The following TCF20 variants were observed in gnomAD, a reference collection of about 807,000 sequenced individuals.
The protein encoded by TCF20 is SPRE-binding protein.
In TCF20, 3 loss-of-function variants were observed where a neutral mutation model predicts 148.6. The ratio of observed to expected loss-of-function variants is 0.02; its 90% CI spans 0.01 to 0.05. TCF20 has a LOEUF of 0.05. TCF20 is among the 10% of genes least tolerant of loss of function. TCF20 has a pLI of 1.00. For missense variants in TCF20, 2,350 were observed against 2,429.3 expected (o/e 0.97, Z 0.69); for synonymous variants, 1,049 against 909.5 (o/e 1.15, Z -2.76).
Position 42,290,504 on chromosome 22 carries a change from G to A in TCF20, c.-37+52975C>T, listed in dbSNP as rs1205271122. Reference sequence around the variant, plus strand: ...GAGCGGGCAGGCTGGGGGCACGTGGGAGGCCTCTGCTCCTGACCTTTGCTT... The same window carrying A: ...GAGCGGGCAGGCTGGGGGCACGTGGAAGGCCTCTGCTCCTGACCTTTGCTT... On this transcript the variant is annotated intron_variant, in intron 1 of 1. Transcript: ENST00000515426. The surrounding 1 kb of genome is among the most constrained non-coding windows in gnomAD (Gnocchi z 4.2). Among the ~76,000 whole-genome samples the A allele has an allele frequency of 6.6e-6, 1 of 152,132 alleles. No individual in the cohort carries two copies. Among genetic ancestry groups the A allele is most frequent in the African/African-American group, 2.4e-5 (1 of 41,436 alleles).
chr22:42,228,528 C>T (rs868392339), intron 1 of TCF20, among the ~76,000 whole-genome samples: 1 of 152,126 alleles, frequency 6.6e-6, no homozygotes, highest in Non-Finnish European at 1.5e-5. Flanking sequence ...CAGATCTGAG[C>T]TTAGGCAGTG....
chr22:42,263,220 C>T (rs1019997364), intron 1 of TCF20, among the ~76,000 whole-genome samples: 3 of 152,298 alleles, frequency 2.0e-5, no homozygotes, highest in East Asian at 1.9e-4. Flanking sequence ...CCTTCCATCA[C>T]GTGGACTTTC....
chr22:42,238,561 A>G (rs1286594410), intron 1 of TCF20, among the ~76,000 whole-genome samples: 2 of 152,222 alleles, frequency 1.3e-5, no homozygotes, highest in African/African-American at 2.4e-5. Context: ...CTTCCTCACT[A>G]AACCATCATT....
At chr22:42,307,704 G>A (rs1171128369) in intron 1 of TCF20, among the ~76,000 whole-genome samples, 2 of 152,206 alleles carry the variant, frequency 1.3e-5, no homozygotes, top group Non-Finnish European at 2.9e-5. Context: ...TGCAACCATC[G>A]CAGCGGAAGA....
At position 42,212,337 on chromosome 22, in the gene TCF20, C is replaced by T. The variant is rs758000946; in HGVS notation, c.2969G>A (p.Arg990Gln). The T allele has an allele frequency of 9.3e-6, 15 of 1,614,078 alleles. No individual in the cohort carries two copies. The highest frequency in any genetic ancestry group is 6.7e-5 in the East Asian group (3 of 44,884). ...PQDSRPTPMRRVPGRVGGREG... is the reference protein window; with the variant it reads ...PQDSRPTPMRQVPGRVGGREG... ...CCGACCACCAACTCTGCCAGGGACC[C>T]GCCGCATTGGCGTGGGTCTGCTGTC... is the stretch of plus-strand genomic sequence containing the variant. The change falls in exon 2 of 6, where the codon CGG becomes CAG. Residue 990 changes from arginine to glutamine, a missense_variant. Arg to Gln is a conservative substitution (Grantham distance 43). This residue lies in a region of TCF20 where 1,641 missense variants were observed against 1,662.6 expected (regional missense o/e 0.99). Coordinates refer to ENST00000677622, the MANE Select transcript of TCF20 (RefSeq NM_001378418.1).
At chr22:42,249,232 C>T (rs183854144) in intron 1 of TCF20, among the ~76,000 whole-genome samples, 31 of 152,314 alleles carry the variant, frequency 2.0e-4, no homozygotes, top group East Asian at 1.3e-3. Context: ...GGTTCTGAGG[C>T]CTTTGGATTT....
intron 1 of TCF20, 156 bp from the exon 2 acceptor site, chr22:42,215,497 G>C: frequency 1.1e-6 from 1 of 942,860 alleles, no homozygotes; most frequent in Non-Finnish European, 1.5e-6. Context: ...TGAGACAAGA[G>C]TCTCACTCTG....
chr22:42,186,383 C>T (rs148899587), intron 2 of TCF20, among the ~76,000 whole-genome samples: 159 of 152,208 alleles, frequency 1.0e-3, no homozygotes, highest in African/African-American at 3.7e-3. Context: ...AAGTGTTTTA[C>T]AAACTAGAAA....
chr22:42,196,079 G>A (rs1362038425), intron 2 of TCF20, among the ~76,000 whole-genome samples: 1 of 152,216 alleles, frequency 6.6e-6, no homozygotes, highest in Non-Finnish European at 1.5e-5. Flanking sequence ...GGGAGGCATA[G>A]GCTCTGAATA....
chr22:42,266,258 G>C (rs367968844), intron 1 of TCF20, among the ~76,000 whole-genome samples: 49 of 152,258 alleles, frequency 3.2e-4, no homozygotes, highest in African/African-American at 1.2e-3. Context: ...AGCTCTCAGG[G>C]AAAGGAAAGG....
At chr22:42,176,015 C>T (rs567737694) in intron 3 of TCF20, among the ~76,000 whole-genome samples, 4 of 152,074 alleles carry the variant, frequency 2.6e-5, no homozygotes, top group South Asian at 2.1e-4. Context: ...AGGCTGGTCT[C>T]GAACTCCTGG....
At chr22:42,189,160 AAG>A (rs1399951959) in intron 2 of TCF20, among the ~76,000 whole-genome samples, 1 of 152,138 alleles carries the variant, frequency 6.6e-6, no homozygotes, top group African/African-American at 2.4e-5. Flanking sequence ...GATGATATGG[AAG>A]AGTTTGGGTA....
intron 1 of TCF20, among the ~76,000 whole-genome samples, chr22:42,222,223 T>C (rs1922445350): frequency 6.6e-6 from 1 of 152,152 alleles, no homozygotes; most frequent in Non-Finnish European, 1.5e-5. Flanking sequence ...AGGTTGTTCT[T>C]CCTCAACTGA....
chr22:42,316,140 A>G (rs1927627186), intron 1 of TCF20, among the ~76,000 whole-genome samples: 1 of 151,218 alleles, frequency 6.6e-6, no homozygotes, highest in Non-Finnish European at 1.5e-5. Context: ...AGATTTAAAG[A>G]CAAGAGGCCA....
At chr22:42,328,210 T>C (rs1320520609) in intron 1 of TCF20, among the ~76,000 whole-genome samples, 1 of 152,048 alleles carries the variant, frequency 6.6e-6, no homozygotes, top group Non-Finnish European at 1.5e-5. Context: ...ACCACACGTC[T>C]CTAGCTGTTC....
chr22:42,266,764 G>A (rs1045122864), intron 1 of TCF20, among the ~76,000 whole-genome samples: 2 of 152,086 alleles, frequency 1.3e-5, no homozygotes, highest in African/African-American at 4.8e-5. Context: ...GGGCAACAGA[G>A]CGAGACTCCG....
At chr22:42,251,140 G>A (rs1925331373) in intron 1 of TCF20, among the ~76,000 whole-genome samples, 1 of 152,106 alleles carries the variant, frequency 6.6e-6, no homozygotes, top group Admixed American at 6.6e-5. Flanking sequence ...GGCCTATGAA[G>A]TGTTGTCATG....
At chr22:42,272,946 G>C (rs1430917575), upstream of TCF20, among the ~76,000 whole-genome samples, 2 of 152,140 alleles carry the variant, frequency 1.3e-5, no homozygotes, top group Non-Finnish European at 2.9e-5. Context: ...AGGATTGCTT[G>C]AGGCCAGGAG....
At chr22:42,170,335 T>TAA (rs71803379) in intron 3 of TCF20, among the ~76,000 whole-genome samples, 10 of 139,296 alleles carry the variant, frequency 7.2e-5, no homozygotes, top group Admixed American at 1.4e-4. Flanking sequence ...CTGTCACTAT[T>TAA]AAAAAAAAAA....
Sources: gnomAD v4.1 joint callset for allele counts (sites outside exome capture counted in the v4.1 genomes callset) on GRCh38, gnomAD v4.1.1 for gene constraint, gnomAD v4.1.1 regional missense constraint, Gnocchi (gnomAD v3.1) non-coding constraint, MANE v1.5 for transcripts, NCBI Gene and HGNC (gene_info 2026-07-23, HGNC 2026-07-21) for gene names.